Variants in ADPGK observed in about 807,000 individuals in gnomAD.
The protein encoded by ADPGK is ADP-dependent glucokinase.
Under a neutral mutation model 42.4 loss-of-function variants are expected in ADPGK, and 26 were observed. The observed-to-expected ratio is 0.61, with a 90% CI of 0.45 to 0.85. The LOEUF (loss-of-function observed/expected upper bound fraction) is 0.85. ADPGK is among the 40% of genes least tolerant of loss of function. The pLI is 0.00. For synonymous variants in ADPGK, 267 were observed against 252.6 expected (o/e 1.06, Z -0.54); for missense variants, 571 against 627.0 (o/e 0.91, Z 0.95).
rs199948684 is a variant in ADPGK at position 72,783,669 on chromosome 15, G to A, written c.23C>T (p.Ala8Val). 5.7e-3 allele frequency: 8,523 copies of A among 1,503,308 alleles called. 32 individuals are homozygous for A. Among genetic ancestry groups the A allele is most frequent in the Non-Finnish European group, 7.0e-3 (7,881 of 1,133,368 alleles). 93.1% of individuals were successfully genotyped at this position (1,503,308 alleles called of 1,614,324 possible). Residue 8 changes from alanine (A) to valine (V), a missense_variant, in exon 1 of 7, where the codon GCG (alanine) becomes GTG (valine). Coordinates refer to ENST00000456471, the MANE Select transcript of ADPGK (RefSeq NM_001365225.1). The stretch of plus-strand genomic sequence containing the variant: ...GGCCAGCGCCAGGAAGCCCGCGTAC[G>A]CGGAGCCGCGCCACAGCGCCATGGG... The part of the protein sequence containing the change: MALWRGS[A>V]YAGFLALAVG...
chr15:72,783,015 T>G, intron 1 of ADPGK: 1 of 171,900 alleles, frequency 5.8e-6, no homozygotes, highest in Non-Finnish European at 1.2e-5. Flanking sequence ...AGTCGTGTGG[T>G]TTCTAGACTA....
In ADPGK at chr15:72,755,643, G is replaced by C; in HGVS notation, c.852C>G (p.Ser284=). Residue 284 remains serine (S), a synonymous_variant, in exon 6 of 7, where the codon TCC becomes TCG. Transcript: ENST00000456471. ...QRKRLLEVVT[S]ISDIPTGIPV... Reference sequence around the variant, plus strand: ...GAATACCAGTGGGGATGTCAGAAATGGAGGTTACAACCTGCAAAGAGAAGA... The same window carrying C: ...GAATACCAGTGGGGATGTCAGAAATCGAGGTTACAACCTGCAAAGAGAAGA... 1.2e-6 allele frequency: 2 copies of C among 1,613,348 alleles called. No homozygotes were observed. The highest frequency in any genetic ancestry group is 1.7e-6 in the Non-Finnish European group (2 of 1,179,368).
intron 3 of ADPGK, among the ~76,000 whole-genome samples, chr15:72,765,546 G>A (rs191282113): frequency 6.6e-6 from 1 of 152,222 alleles, no homozygotes; most frequent in Admixed American, 6.5e-5. Context: ...AAAGTAAACT[G>A]AAAACTTCTG....
chr15:72,756,022 G>C lies in ADPGK; in HGVS notation c.840+229C>G, dbSNP rs888279951. 5.8e-6 allele frequency: 4 copies of C among 690,810 alleles called. No homozygotes were observed. In the African/African-American group the frequency reaches 7.0e-5, roughly 12 times the overall value. The allele number at this position is 690,810 out of a possible 1,614,324, so 42.8% of individuals were successfully genotyped here. A position where few individuals can be genotyped will look rare whatever the true frequency, so the allele number is the denominator to read the frequency against. On this transcript the variant is annotated intron_variant, in intron 5 of 6. Coordinates refer to ENST00000456471, the MANE Select transcript of ADPGK (RefSeq NM_001365225.1). ...CATGGTCGGTTTAGCACAGGATGCA[G>C]AGGCTCAGGCAAGAAGATGTTCTGC...
At position 72,756,003 on chromosome 15, in the gene ADPGK, C is replaced by T. The variant is rs184954007; in HGVS notation, c.840+248G>A. On this transcript the variant is annotated intron_variant, in intron 5 of 6. Transcript: ENST00000456471. Reference sequence around the variant, plus strand: ...AAACCCTGCAGCTTGCAGCCATGGTCGGTTTAGCACAGGATGCAGAGGCTC... The same window carrying T: ...AAACCCTGCAGCTTGCAGCCATGGTTGGTTTAGCACAGGATGCAGAGGCTC... The T allele has an allele frequency of 2.9e-4, 197 of 678,142 alleles. No homozygotes were observed. In the African/African-American group the frequency reaches 3.1e-3, roughly 11 times the overall value. The allele number at this position is 678,142 out of a possible 1,614,324, so 42.0% of individuals were successfully genotyped here.
intron 3 of ADPGK, among the ~76,000 whole-genome samples, chr15:72,770,106 G>C (rs2066310594): frequency 6.6e-6 from 1 of 152,258 alleles, no homozygotes; most frequent in Non-Finnish European, 1.5e-5. Flanking sequence ...CTCTTTGAGA[G>C]TGCATACAGG....
chr15:72,764,737 CT>C (rs1283304703), intron 3 of ADPGK, among the ~76,000 whole-genome samples: 1 of 152,178 alleles, frequency 6.6e-6, no homozygotes, highest in East Asian at 1.9e-4. Context: ...CCATCTAGGA[CT>C]TTCAGAGCTA....
chr15:72,759,509 A>G (rs2066165456), intron 4 of ADPGK, among the ~76,000 whole-genome samples: 1 of 152,152 alleles, frequency 6.6e-6, no homozygotes, highest in Non-Finnish European at 1.5e-5. Flanking sequence ...TCTTTTTTCT[A>G]CCTGGAGAAA....
chr15:72,765,157 T>C, intron 3 of ADPGK, among the ~76,000 whole-genome samples: 1 of 151,912 alleles, frequency 6.6e-6, no homozygotes, highest in East Asian at 1.9e-4. Context: ...TATTTTGACT[T>C]TTTTTTTGAG....
At chr15:72,774,148 T>C (rs1244914173) in intron 2 of ADPGK, among the ~76,000 whole-genome samples, 1 of 152,146 alleles carries the variant, frequency 6.6e-6, no homozygotes, top group Non-Finnish European at 1.5e-5. Context: ...CGGCCTAAAA[T>C]CTTAAGTCAT....
At chr15:72,780,299 C>T (rs938784322) in intron 1 of ADPGK, among the ~76,000 whole-genome samples, 1 of 151,998 alleles carries the variant, frequency 6.6e-6, no homozygotes, top group East Asian at 1.9e-4. Flanking sequence ...GGAGCCGTGC[C>T]GAGTGAATAG....
chr15:72,783,677 G>A lies in ADPGK; in HGVS notation c.15C>T (p.Arg5=), dbSNP rs898223866. The A allele has an allele frequency of 1.3e-6, 2 of 1,495,922 alleles. No individual in the cohort carries two copies. The highest frequency in any genetic ancestry group is 1.3e-5 in the South Asian group (1 of 79,432). The allele number at this position is 1,495,922 out of a possible 1,614,324, so 92.7% of individuals were successfully genotyped here. A position where few individuals can be genotyped will look rare whatever the true frequency, so the allele number is the denominator to read the frequency against. Residue 5 remains arginine, a synonymous_variant, in exon 1 of 7, where the codon CGC becomes CGT. Transcript: ENST00000456471. MALW[R]GSAYAGFLAL... ...CCAGGAAGCCCGCGTACGCGGAGCC[G>A]CGCCACAGCGCCATGGGGACCCAGG...
chr15:72,770,109 C>T (rs2066310676), intron 3 of ADPGK, among the ~76,000 whole-genome samples: 1 of 152,204 alleles, frequency 6.6e-6, no homozygotes, highest in Non-Finnish European at 1.5e-5. Flanking sequence ...TTTGAGAGTG[C>T]ATACAGGGTG....
chr15:72,764,320 A>C (rs946190903), intron 3 of ADPGK, among the ~76,000 whole-genome samples: 4 of 152,236 alleles, frequency 2.6e-5, no homozygotes, highest in African/African-American at 9.6e-5. Flanking sequence ...AACAGCAACA[A>C]AAGGAAAGCA....
intron 1 of ADPGK, among the ~76,000 whole-genome samples, chr15:72,781,015 G>A (rs944100659): frequency 1.3e-5 from 2 of 152,122 alleles, no homozygotes; most frequent in Non-Finnish European, 2.9e-5. Context: ...CACATTAAAT[G>A]GCATTTTGAG....
At chr15:72,758,137 G>T (rs998371271) in intron 4 of ADPGK, 59 of 1,613,534 alleles carry the variant, frequency 3.7e-5, no homozygotes, top group Non-Finnish European at 4.8e-5. Context: ...GGACCACCAG[G>T]TCTGGCTGAA....
chr15:72,783,739 G>T lies in ADPGK; in HGVS notation c.-48C>A. ...CGCGAACCAACTCCTTTCCTAGCCC[G>T]CGCCTCTTCCGGGCTCGGCGCGCGC... On this transcript the variant is annotated 5_prime_UTR_variant, in exon 1 of 7. Transcript: ENST00000456471. The T allele has an allele frequency of 1.4e-6, 2 of 1,403,468 alleles. No individual in the cohort carries two copies. Among genetic ancestry groups the T allele is most frequent in the African/African-American group, 1.5e-5 (1 of 66,158 alleles). 86.9% of individuals were successfully genotyped at this position (1,403,468 alleles called of 1,614,324 possible).
rs1338849176 is a variant in ADPGK, at chr15:72,783,521, C to T, written c.171G>A (p.Leu57=). 9.5e-6 allele frequency: 14 copies of T among 1,477,100 alleles called. No individual in the cohort carries two copies. The South Asian group carries it at 1.7e-4, about 18-fold the overall frequency. 91.5% of individuals were successfully genotyped at this position (1,477,100 alleles called of 1,614,324 possible). The change falls in exon 1 of 7, where the codon TTG becomes TTA. Residue 57 remains leucine, a synonymous_variant. Coordinates refer to ENST00000456471, the MANE Select transcript of ADPGK (RefSeq NM_001365225.1). ...PPGPVSPEGR[L]AAAWDALIVR... is the part of the protein sequence containing the mutation. Reference sequence around the variant, plus strand: ...CGATAAGCGCGTCCCAGGCTGCCGCCAACCGGCCCTCGGGGGAGACGGGTC... The same window carrying T: ...CGATAAGCGCGTCCCAGGCTGCCGCTAACCGGCCCTCGGGGGAGACGGGTC...
intron 4 of ADPGK, 118 bp downstream of exon 4, chr15:72,760,289 T>TG: frequency 7.6e-7 from 1 of 1,320,888 alleles, no homozygotes. Flanking sequence ...ACTTTCAGTA[T>TG]GGCAAAAACA....
Sources: gnomAD v4.1 joint callset for allele counts (sites outside exome capture counted in the v4.1 genomes callset) on GRCh38, gnomAD v4.1.1 for gene constraint, MANE v1.5 for transcripts, NCBI Gene and HGNC (gene_info 2026-07-23, HGNC 2026-07-21) for gene names.